SHOX: variants seen among roughly 807,000 people sequenced by gnomAD.
The protein encoded by SHOX is SHOX homeobox, also known as short stature homeobox protein.
Under a neutral mutation model 29.6 loss-of-function variants are expected in SHOX, and 12 were observed. The ratio of observed to expected loss-of-function variants is 0.41; its 90% confidence interval spans 0.26 to 0.66. The LOEUF (loss-of-function observed/expected upper bound fraction) is 0.66. Among genes scored for constraint, SHOX ranks in the 30% least tolerant of loss-of-function variants. The pLI, the probability that SHOX is intolerant of heterozygous loss-of-function variation, is 0.35. For synonymous variants in SHOX, 214 were observed against 200.6 expected (o/e 1.07, Z -0.57); for missense variants, 499 against 437.7 (o/e 1.14, Z -1.25).
chrX:640,437 A>G (rs746231729), intron 2 of SHOX, among the ~76,000 whole-genome samples: 8 of 146,990 alleles, frequency 5.4e-5, no homozygotes, highest in South Asian at 4.4e-4. Context: ...TTAGCCGGGC[A>G]TGGTGGTGGG....
At chrX:631,293 G>A in intron 1 of SHOX, 119 bp downstream of exon 1, 2 of 1,305,392 alleles carry the variant, frequency 1.5e-6, no homozygotes, top group Non-Finnish European at 2.2e-6. Flanking sequence ...TCTCGCCAGG[G>A]TAAGGCCCGG....
rs754656953 is a variant in SHOX at position 644,375 on chromosome X, G to A, written c.634-16G>A. 3.3e-6 allele frequency: 5 copies of A among 1,517,734 alleles called. No individual in the cohort carries two copies. Among genetic ancestry groups the A allele is most frequent in the Admixed American group, 2.0e-5 (1 of 49,618 alleles). The allele number at this position is 1,517,734 out of a possible 1,614,324, so 94.0% of individuals were successfully genotyped here. Reference sequence around the variant, plus strand: ...CCCCATCCTGCGCCCTCACCCCGCCGGGTCCGCTCCCGCAGGTCCAGGCTC... The same window carrying A: ...CCCCATCCTGCGCCCTCACCCCGCCAGGTCCGCTCCCGCAGGTCCAGGCTC... On this transcript the variant is annotated splice_polypyrimidine_tract_variant and intron_variant, in intron 4 of 4. Coordinates refer to ENST00000686671, the MANE Select transcript of SHOX (RefSeq NM_000451.4).
At chrX:625,715 G>GCCTC (rs1556452660) in intron 1 of SHOX, among the ~76,000 whole-genome samples, 2 of 122,068 alleles carry the variant, frequency 1.6e-5, no homozygotes, top group East Asian at 2.5e-4. Context: ...TTCTATCTCT[G>GCCTC]TCTCTCTCTC....
chrX:636,846 G>C (rs1473931707), intron 2 of SHOX, among the ~76,000 whole-genome samples: 1 of 144,604 alleles, frequency 6.9e-6, no homozygotes, highest in Admixed American at 7.1e-5. Context: ...ATGGGTGATT[G>C]AGTCAACACA....
At position 646,770 on chromosome X, in the gene SHOX, T is replaced by C. The variant is rs1267554557; in HGVS notation, c.*2134T>C. On this transcript the variant is annotated 3_prime_UTR_variant, in exon 5 of 5. Coordinates refer to ENST00000686671, the MANE Select transcript of SHOX (RefSeq NM_000451.4). ...GGTATTAGAGAGTTTGCCTCATTCA[T>C]CCATTTTTCTTAAAAGCTGGAAATT... is the stretch of plus-strand genomic sequence containing the variant. 1 of 151,784 alleles carries C rather than the reference T, an allele frequency of 6.6e-6. No individual in the cohort carries two copies. Among genetic ancestry groups the C allele is most frequent in the Non-Finnish European group, 1.5e-5 (1 of 67,986 alleles). The allele number at this position is 151,784 out of a possible 1,614,324, so 9.4% of individuals were successfully genotyped here.
At chrX:634,488 C>A in intron 1 of SHOX, 130 bp from the exon 2 acceptor site, 2 of 937,800 alleles carry the variant, frequency 2.1e-6, no homozygotes, top group Admixed American at 2.0e-5. Context: ...TTATGGACCC[C>A]ACGCAGTTTT....
At chrX:624,867 T>G in intron 1 of SHOX, among the ~76,000 whole-genome samples, 1 of 41,468 alleles carries the variant, frequency 2.4e-5, no homozygotes, top group Non-Finnish European at 4.0e-5. Context: ...CTTTCTTTTC[T>G]TTCTTTCTTT....
At chrX:630,607 C>T (rs1437113124), upstream of SHOX, 5 of 562,726 alleles carry the variant, frequency 8.9e-6, no homozygotes, top group Admixed American at 3.1e-5. Flanking sequence ...CCAAGGTGTA[C>T]GGACGCCAAA....
chrX:634,944 G>C lies in SHOX; in HGVS notation c.486+118G>C, dbSNP rs2052718573. 3 of 1,143,408 alleles carry C rather than the reference G, an allele frequency of 2.6e-6. No homozygotes were observed. In the South Asian group the frequency reaches 4.7e-5, roughly 18 times the overall value. 70.8% of individuals were successfully genotyped at this position (1,143,408 alleles called of 1,614,324 possible). A position where few individuals can be genotyped will look rare whatever the true frequency, so the allele number is the denominator to read the frequency against. On this transcript the variant is annotated intron_variant, in intron 2 of 4. Coordinates refer to ENST00000686671, the MANE Select transcript of SHOX (RefSeq NM_000451.4). ...CCGCCGTCCCCTTCCCGGAGCGCGG[G>C]GAGGTTGGGTGAGGGACGGGCTGGG...
chrX:631,914 C>A, intron 1 of SHOX: 1 of 456,106 alleles, frequency 2.2e-6, no homozygotes, highest in South Asian at 1.5e-5. Context: ...ACAGAGGAGC[C>A]GTCTCCACGC....
rs749284357 is a variant in SHOX at position 656,798 on chromosome X, G to A, written c.634-1987G>A. ...GCGGACCATGCAGTGAGTCGAGATC[G>A]CGCCACTGCCCTCCAGCCTGGGCCA... On this transcript the variant is annotated intron_variant, in intron 5 of 5. Transcript: ENST00000334060. Among the ~76,000 whole-genome samples the A allele has an allele frequency of 4.7e-5, 7 of 150,510 alleles. 1 individual carries two copies. In the South Asian group the frequency reaches 6.3e-4, roughly 14 times the overall value.
chrX:634,667 G>A lies in SHOX; in HGVS notation c.327G>A (p.Glu109=), dbSNP rs746842667. 1 of 1,613,924 alleles carries A rather than the reference G, an allele frequency of 6.2e-7. No individual in the cohort carries two copies. Among genetic ancestry groups the A allele is most frequent in the East Asian group, 2.2e-5 (1 of 44,878 alleles). Residue 109 remains glutamate (E), a synonymous_variant, in exon 2 of 5, where the codon GAG becomes GAA. Coordinates refer to ENST00000686671, the MANE Select transcript of SHOX (RefSeq NM_000451.4). ...EKREDVKSED[E]DGQTKLKQRR... The stretch of plus-strand genomic sequence containing the variant: ...GCGAGGACGTGAAGTCGGAGGACGA[G>A]GACGGGCAGACCAAGCTGAAACAGA...
At chrX:630,785 A>G, upstream of SHOX, 1 of 1,299,838 alleles carries the variant, frequency 7.7e-7, no homozygotes, top group Non-Finnish European at 1.1e-6. Flanking sequence ...TTTCCAATGG[A>G]AAGGCGTAAA....
intron 2 of SHOX, among the ~76,000 whole-genome samples, chrX:640,532 T>C (rs1469564830): frequency 6.6e-6 from 1 of 151,894 alleles, no homozygotes; most frequent in East Asian, 1.9e-4. Context: ...GCCGAGATAG[T>C]GCCACTGCAC....
chrX:642,782 T>G (rs1385043298), intron 4 of SHOX, among the ~76,000 whole-genome samples: 1 of 151,468 alleles, frequency 6.6e-6, no homozygotes, highest in Non-Finnish European at 1.5e-5. Flanking sequence ...GGGAGAGGCT[T>G]GGGTACCTGG....
intron 4 of SHOX, among the ~76,000 whole-genome samples, chrX:643,302 A>G (rs866196445): frequency 0.011 from 435 of 38,102 alleles, no homozygotes; most frequent in Middle Eastern, 0.022. Flanking sequence ...AGAGGCTTGG[A>G]GATCTGGTGA....
chrX:628,593 C>CCCTGTG (rs2052587974), upstream of SHOX, among the ~76,000 whole-genome samples: 1 of 59,396 alleles, frequency 1.7e-5, no homozygotes, highest in Non-Finnish European at 3.8e-5. Flanking sequence ...CTGTGTCTCT[C>CCCTGTG]TTTCTCTCTC....
rs1328261630 is a variant in SHOX at position 644,967 on chromosome X, A to G, written c.*331A>G. 2.9e-6 allele frequency: 1 copy of G among 340,260 alleles called. No homozygotes were observed. The highest frequency in any genetic ancestry group is 5.3e-6 in the Non-Finnish European group (1 of 189,882). 21.1% of individuals were successfully genotyped at this position (340,260 alleles called of 1,614,324 possible). A position where few individuals can be genotyped will look rare whatever the true frequency, so the allele number is the denominator to read the frequency against. On this transcript the variant is annotated 3_prime_UTR_variant, in exon 5 of 5. Coordinates refer to ENST00000686671, the MANE Select transcript of SHOX (RefSeq NM_000451.4). ...CGTCTTCCTCTGCTATACCCTATGC[A>G]TGCGGTTAACTACACACGTTTGGAA...
rs372771980 is a variant in SHOX at position 640,898 on chromosome X, G to A, written c.544+20G>A. ...ATAAAGGTGGGTGTCGGGACTGGGG[G>A]GACCTGAAGCTGGGGGATCCTGCTC... On this transcript the variant is annotated intron_variant, in intron 3 of 4. Coordinates refer to ENST00000686671, the MANE Select transcript of SHOX (RefSeq NM_000451.4). 51 of 1,613,872 alleles carry A rather than the reference G, an allele frequency of 3.2e-5. No homozygotes were observed. The highest frequency in any genetic ancestry group is 1.1e-4 in the South Asian group (10 of 91,062).
Sources: allele counts gnomAD v4.1 joint callset (sites outside exome capture counted in the v4.1 genomes callset), GRCh38; gene constraint gnomAD v4.1.1; transcripts MANE v1.5; gene names NCBI Gene and HGNC (gene_info 2026-07-23, HGNC 2026-07-21).